Variants in ABI2 observed in about 807,000 individuals in gnomAD.
ABI2 encodes the protein abelson interactor 2.
Under a neutral mutation model 59.2 loss-of-function variants are expected in ABI2, and 25 were observed. The ratio of observed to expected loss-of-function variants is 0.42; its 90% confidence interval spans 0.31 to 0.59. ABI2 has a LOEUF of 0.59. Ranked by LOEUF, ABI2 falls within the 20% of genes least tolerant of loss-of-function variation. The pLI is 0.14. For synonymous variants in ABI2, 213 were observed against 235.5 expected, an observed-to-expected ratio of 0.90 and a Z score of 0.87; for missense variants, 545 against 681.8, an observed-to-expected ratio of 0.80 and a Z score of 2.23.
At chr2:203,415,389 G>C (rs1046712511) in intron 10 of ABI2, among the ~76,000 whole-genome samples, 1 of 152,000 alleles carries the variant, frequency 6.6e-6, no homozygotes, top group Non-Finnish European at 1.5e-5. Context: ...AGGCCGAGGT[G>C]GGCGGATCAC....
chr2:203,412,927 T>A (rs1424468429), intron 10 of ABI2, among the ~76,000 whole-genome samples: 2 of 152,216 alleles, frequency 1.3e-5, no homozygotes, highest in Non-Finnish European at 2.9e-5. Context: ...TTCTACATAC[T>A]CCATACAAGG....
chr2:203,426,576 T>TATA (rs2153612916), intron 11 of ABI2, among the ~76,000 whole-genome samples: 1 of 152,254 alleles, frequency 6.6e-6, no homozygotes, highest in South Asian at 2.1e-4. Context: ...GTGCAGCATA[T>TATA]GTTTTGAAAA....
intron 2 of ABI2, among the ~76,000 whole-genome samples, chr2:203,373,029 C>T (rs1183114887): frequency 6.6e-6 from 1 of 151,128 alleles, no homozygotes; most frequent in Non-Finnish European, 1.5e-5. Flanking sequence ...TGGGCAGCCA[C>T]GCAGAGACGC....
At chr2:203,402,458 T>C in intron 8 of ABI2, 118 bp from the exon 9 acceptor site, 1 of 716,578 alleles carries the variant, frequency 1.4e-6, no homozygotes, top group Non-Finnish European at 2.0e-6. Context: ...ATATTTCAGA[T>C]ACCAGTTAAA....
intron 9 of ABI2, chr2:203,403,250 T>G (rs933689160): frequency 6.5e-6 from 1 of 152,762 alleles, no homozygotes; most frequent in African/African-American, 2.4e-5. Context: ...AATAATCGGT[T>G]GTATCATGCA....
intron 5 of ABI2, 74 bp from the exon 6 acceptor site, chr2:203,394,626 C>A: frequency 7.0e-7 from 1 of 1,437,006 alleles, no homozygotes. Context: ...TGTATCTCAA[C>A]TGCTGGCAAC....
At chr2:203,362,070 T>C (rs765908795) in intron 1 of ABI2, among the ~76,000 whole-genome samples, 1 of 152,220 alleles carries the variant, frequency 6.6e-6, no homozygotes, top group African/African-American at 2.4e-5. Context: ...CATAGTAATA[T>C]ATTTCTAGTT....
rs1391977732 is a variant in ABI2 at position 203,431,155 on chromosome 2, A to G, written c.*3803A>G. ...TGGTGTTAAGGTGGTAATTTCCCCC[A>G]TATAAGATTTAGAATCACTGAGTTT... On this transcript the variant is annotated 3_prime_UTR_variant, in exon 12 of 12. Transcript: ENST00000261018. The G allele has an allele frequency of 6.6e-6, 1 of 152,370 alleles. No homozygotes were observed. The highest frequency in any genetic ancestry group is 1.9e-4 in the East Asian group (1 of 5,182). 9.4% of individuals were successfully genotyped at this position (152,370 alleles called of 1,614,324 possible). A position where few individuals can be genotyped will look rare whatever the true frequency, so the allele number is the denominator to read the frequency against.
At chr2:203,413,100 C>T (rs2097749759) in intron 10 of ABI2, among the ~76,000 whole-genome samples, 2 of 152,194 alleles carry the variant, frequency 1.3e-5, no homozygotes, top group Non-Finnish European at 2.9e-5. Flanking sequence ...TTCTGCCAAT[C>T]AATTGCTACT....
chr2:203,371,906 T>TTTTTTC (rs1196734006), intron 2 of ABI2, among the ~76,000 whole-genome samples: 7 of 151,876 alleles, frequency 4.6e-5, no homozygotes, highest in African/African-American at 1.4e-4. Context: ...AAAATTTTTC[T>TTTTTTC]TTTTTCTTTT....
chr2:203,408,188 GT>G (rs2097512701), intron 9 of ABI2, among the ~76,000 whole-genome samples: 3 of 143,238 alleles, frequency 2.1e-5, no homozygotes, highest in African/African-American at 7.8e-5. Context: ...TTGAGATGGA[GT>G]TTTGCTCTTG....
chr2:203,411,401 T>A (rs747104985), intron 10 of ABI2, 30 bp downstream of exon 10: 1 of 1,559,516 alleles, frequency 6.4e-7, no homozygotes, highest in Non-Finnish European at 8.8e-7. Context: ...ATGCTGTAGA[T>A]CAGATTGTAG....
chr2:203,354,252 C>T (rs1480815146), intron 1 of ABI2, among the ~76,000 whole-genome samples: 2 of 152,120 alleles, frequency 1.3e-5, no homozygotes, highest in Non-Finnish European at 2.9e-5. Context: ...CCATGTTGCC[C>T]AGGCTGGTCT....
intron 6 of ABI2, 65 bp from the exon 7 acceptor site, chr2:203,395,591 G>A: frequency 8.7e-6 from 13 of 1,497,272 alleles, no homozygotes; most frequent in East Asian, 2.4e-5. Flanking sequence ...AGAAAATGTC[G>A]GGAAGTGCTG....
chr2:203,387,075 TTC>T (rs141541786), intron 4 of ABI2, among the ~76,000 whole-genome samples: 30,105 of 130,892 alleles, frequency 0.23, 3,573 homozygotes, highest in Non-Finnish European at 0.25. Flanking sequence ...TTTTTTTTTT[TTC>T]CCCACATGCC....
At chr2:203,354,411 C>T (rs2090760349) in intron 1 of ABI2, among the ~76,000 whole-genome samples, 1 of 152,020 alleles carries the variant, frequency 6.6e-6, no homozygotes, top group African/African-American at 2.4e-5. Flanking sequence ...TGCTTAGTTA[C>T]CTGTGAATCT....
chr2:203,351,859 A>G (rs2088822323), intron 1 of ABI2, among the ~76,000 whole-genome samples: 1 of 152,136 alleles, frequency 6.6e-6, no homozygotes, highest in Non-Finnish European at 1.5e-5. Flanking sequence ...TCAGTCTCGT[A>G]CAGTCATGCG....
At chr2:203,343,381 A>G (rs7563751) in intron 1 of ABI2, among the ~76,000 whole-genome samples, 112,168 of 152,146 alleles carry the variant, frequency 0.74, 42,476 homozygotes, top group Middle Eastern at 0.87. Context: ...AAAAAAATTT[A>G]ATGTTAGCAG....
chr2:203,392,298 ACC>A (rs2096777682), intron 5 of ABI2, among the ~76,000 whole-genome samples: 2 of 88,392 alleles, frequency 2.3e-5, no homozygotes, highest in African/African-American at 8.7e-5. Context: ...CACCACCACC[ACC>A]ACCACCACCA....
Sources: allele counts gnomAD v4.1 joint callset (sites outside exome capture counted in the v4.1 genomes callset), GRCh38; gene constraint gnomAD v4.1.1; transcripts MANE v1.5; gene names NCBI Gene and HGNC (gene_info 2026-07-23, HGNC 2026-07-21).